Variants in COL15A1 observed in about 807,000 individuals in gnomAD.
The protein encoded by COL15A1 is collagen type XV alpha 1 chain.
In COL15A1, 111 loss-of-function variants were observed where a neutral mutation model predicts 165.9. That is an observed-to-expected ratio of 0.67 (90% CI 0.57 to 0.78). COL15A1 has a LOEUF of 0.78. Ranked by LOEUF, COL15A1 falls within the 30% of genes least tolerant of loss-of-function variation. The pLI is 0.00. For missense variants in COL15A1, 1,745 were observed against 1,789.7 expected, an observed-to-expected ratio of 0.98 and a Z score of 0.45; for synonymous variants, 659 against 674.8, an observed-to-expected ratio of 0.98 and a Z score of 0.36.
chr9:99,007,564 G>A (rs1465518262), intron 9 of COL15A1, among the ~76,000 whole-genome samples: 2 of 152,154 alleles, frequency 1.3e-5, no homozygotes. Context: ...AGGCTGTGAA[G>A]TCTCATGCCC....
rs756174426 is a variant in COL15A1 at position 98,944,250 on chromosome 9, G to A, written c.100G>A (p.Glu34Lys). The A allele has an allele frequency of 3.1e-6, 5 of 1,613,654 alleles. No individual in the cohort carries two copies. The South Asian group carries it at 5.5e-5, about 18-fold the overall frequency. The change falls in exon 2 of 42, where the codon GAG (glutamate) becomes AAG (lysine). Residue 34 changes from glutamate (E) to lysine (K), a missense_variant and splice_region_variant. Transcript: ENST00000375001. ...PAVTQTRGAT[E>K]TASQGHLDLT... ...TGTCACCCAGACCCGCGGTGCGACA[G>A]GTAAGCAACCCGGTCGGAGGGTGGC...
chr9:98,972,865 A>G (rs538690824), intron 2 of COL15A1, among the ~76,000 whole-genome samples: 1 of 152,328 alleles, frequency 6.6e-6, no homozygotes, highest in African/African-American at 2.4e-5. Context: ...TGGGAGAGCC[A>G]CAAGGAAAGC....
At chr9:99,044,162 G>A (rs1486548005) in intron 24 of COL15A1, among the ~76,000 whole-genome samples, 1 of 152,094 alleles carries the variant, frequency 6.6e-6, no homozygotes, top group Non-Finnish European at 1.5e-5. Context: ...AATACATTGG[G>A]AGCCAGAGCT....
chr9:99,049,083 T>G lies in COL15A1; in HGVS notation c.2794-607T>G, dbSNP rs1564084228. ...TTCATTTAGAGTGATCAATACACTT[T>G]CTGCATGAACTAAACTCTTCATGCC... On this transcript the variant is annotated intron_variant, in intron 28 of 41. Transcript: ENST00000375001. Among the ~76,000 whole-genome samples, 4 of 152,338 alleles carry G rather than the reference T, an allele frequency of 2.6e-5. No homozygotes were observed. The South Asian group carries it at 8.3e-4, about 32-fold the overall frequency.
intron 3 of COL15A1, 58 bp downstream of exon 3, chr9:98,986,170 C>A: frequency 7.8e-7 from 1 of 1,288,090 alleles, no homozygotes; most frequent in Non-Finnish European, 1.1e-6. Flanking sequence ...ACTCGCCATG[C>A]AATAAATGGA....
intron 6 of COL15A1, among the ~76,000 whole-genome samples, chr9:99,000,385 A>G (rs1838628640): frequency 6.6e-6 from 1 of 152,058 alleles, no homozygotes. Context: ...CATAACATGA[A>G]TATGTTATAT....
chr9:99,013,854 C>G (rs1338108343), intron 9 of COL15A1, among the ~76,000 whole-genome samples: 1 of 152,084 alleles, frequency 6.6e-6, no homozygotes, highest in African/African-American at 2.4e-5. Flanking sequence ...GAAGCCTCCT[C>G]TAGGTTTTTA....
intron 2 of COL15A1, among the ~76,000 whole-genome samples, chr9:98,948,822 A>T (rs1281715032): frequency 6.6e-6 from 1 of 152,204 alleles, no homozygotes; most frequent in Admixed American, 6.5e-5. Flanking sequence ...TAAAGTGTTG[A>T]TGATTGCAAA....
intron 5 of COL15A1, among the ~76,000 whole-genome samples, chr9:98,992,212 C>A (rs1349358543): frequency 6.6e-5 from 10 of 152,370 alleles, no homozygotes; most frequent in Admixed American, 5.9e-4. Context: ...TGCCAGGGGG[C>A]TCGGGCATGG....
intron 2 of COL15A1, among the ~76,000 whole-genome samples, chr9:98,963,513 C>T (rs1355472629): frequency 6.6e-6 from 1 of 152,196 alleles, no homozygotes; most frequent in Non-Finnish European, 1.5e-5. Flanking sequence ...AGGTGGGTGG[C>T]ATCACTCCAT....
intron 2 of COL15A1, among the ~76,000 whole-genome samples, chr9:98,983,417 A>G (rs1184192418): frequency 6.6e-6 from 1 of 152,186 alleles, no homozygotes; most frequent in Non-Finnish European, 1.5e-5. Flanking sequence ...GCAGCAGTGA[A>G]TCAGCCAGAA....
intron 9 of COL15A1, among the ~76,000 whole-genome samples, chr9:99,007,026 G>T (rs1278172748): frequency 6.6e-6 from 1 of 152,224 alleles, no homozygotes; most frequent in African/African-American, 2.4e-5. Context: ...GGAGACATGA[G>T]ACATCAATCA....
At chr9:98,968,528 C>G (rs1472562282) in intron 2 of COL15A1, among the ~76,000 whole-genome samples, 1 of 152,188 alleles carries the variant, frequency 6.6e-6, no homozygotes, top group Non-Finnish European at 1.5e-5. Context: ...CCTCTTCTGT[C>G]TGTCAAACCC....
intron 2 of COL15A1, among the ~76,000 whole-genome samples, chr9:98,955,903 A>C (rs978779684): frequency 6.6e-6 from 1 of 152,240 alleles, no homozygotes; most frequent in African/African-American, 2.4e-5. Flanking sequence ...AGAGAAGGAA[A>C]GTGACTAGCT....
intron 17 of COL15A1, 147 bp from the exon 18 acceptor site, chr9:99,034,867 G>A: frequency 1.2e-6 from 1 of 859,248 alleles, no homozygotes. Flanking sequence ...TAGCAAGACA[G>A]CTGTTTCTGT....
intron 5 of COL15A1, among the ~76,000 whole-genome samples, chr9:98,990,571 A>G (rs1023217562): frequency 2.6e-5 from 4 of 152,376 alleles, no homozygotes; most frequent in African/African-American, 7.2e-5. Flanking sequence ...GCACCAGTTC[A>G]CAATTCACAG....
At chr9:99,027,490 G>T (rs778500514) in intron 16 of COL15A1, among the ~76,000 whole-genome samples, 3 of 150,290 alleles carry the variant, frequency 2.0e-5, no homozygotes, top group Admixed American at 6.6e-5. Flanking sequence ...ATTAAATTTT[G>T]CAGGAAGCAC....
chr9:98,976,183 G>A (rs1838139842), intron 2 of COL15A1, among the ~76,000 whole-genome samples: 1 of 152,138 alleles, frequency 6.6e-6, no homozygotes, highest in Non-Finnish European at 1.5e-5. Context: ...TTAGAAATAT[G>A]ATCAAATTCA....
At chr9:99,024,224 T>G (rs1839076405) in intron 14 of COL15A1, among the ~76,000 whole-genome samples, 1 of 151,526 alleles carries the variant, frequency 6.6e-6, no homozygotes, top group Admixed American at 6.6e-5. Context: ...AAAACACTAG[T>G]GCACTTCAGA....
Sources: gnomAD v4.1 joint callset for allele counts (sites outside exome capture counted in the v4.1 genomes callset) on GRCh38, gnomAD v4.1.1 for gene constraint, MANE v1.5 for transcripts, NCBI Gene and HGNC (gene_info 2026-07-23, HGNC 2026-07-21) for gene names.